ZNF526: variants seen among roughly 807,000 people sequenced by gnomAD.
ZNF526 encodes zinc finger protein 526.
ZNF526 carries 16 observed loss-of-function variants against 32.4 expected under a neutral mutation model. The observed-to-expected ratio is 0.49, with a 90% CI of 0.33 to 0.75. The LOEUF is 0.75. Ranked by LOEUF, ZNF526 falls within the 30% of genes least tolerant of loss-of-function variation. The pLI, the probability that ZNF526 is intolerant of heterozygous loss-of-function variation, is 0.02. For synonymous variants in ZNF526, 355 were observed against 363.4 expected (o/e 0.98, Z 0.26); for missense variants, 838 against 920.7 (o/e 0.91, Z 1.16).
intron 1 of ZNF526, 106 bp from the exon 2 acceptor site, chr19:42,224,109 A>C: frequency 2.6e-6 from 1 of 391,194 alleles, no homozygotes; most frequent in Non-Finnish European, 4.8e-6. Context: ...CAGTGAGCCA[A>C]GATTGTGCCA....
In ZNF526 at chr19:42,224,189, G is replaced by T. The variant is rs372761339; in HGVS notation, c.-108-26G>T. On this transcript the variant is annotated intron_variant, in intron 1 of 2. Coordinates refer to ENST00000301215, the MANE Select transcript of ZNF526 (RefSeq NM_133444.3). The stretch of plus-strand genomic sequence containing the variant: ...AAAAAAAAAAAAAAAAAAGAGGCTG[G>T]GCTGAGTGGTGTTTCTCTCCTGCAG... 193 of 584,530 alleles carry T rather than the reference G, an allele frequency of 3.3e-4. No homozygotes were observed. In the African/African-American group the frequency reaches 3.3e-3, roughly 10 times the overall value. The allele number at this position is 584,530 out of a possible 1,614,324, so 36.2% of individuals were successfully genotyped here.
chr19:42,224,594 G>A lies in ZNF526; in HGVS notation c.191G>A (p.Ser64Asn), dbSNP rs772553789. Residue 64 changes from serine to asparagine, a missense_variant, in exon 3 of 3, where the codon AGC (serine) becomes AAC (asparagine). By Grantham distance (46) the Ser-to-Asn change is conservative (BLOSUM62 1). Transcript: ENST00000301215. ...CAGTTCATGTGCTCTGAGTGTGGCA[G>A]CCTCTATAACACACTGGAGGAAGTC... Reference protein sequence around the residue: ...HHQFMCSECGSLYNTLEEVLS... With the variant: ...HHQFMCSECGNLYNTLEEVLS... 3 of 1,614,116 alleles carry A rather than the reference G, an allele frequency of 1.9e-6. No individual in the cohort carries two copies. The East Asian group carries it at 6.7e-5, about 36-fold the overall frequency.
At position 42,226,392 on chromosome 19, in the gene ZNF526, G is replaced by A. The variant is rs1237943099; in HGVS notation, c.1989G>A (p.Leu663=). 6.2e-7 allele frequency: 1 copy of A among 1,614,242 alleles called. No homozygotes were observed. ...ALGASEAGGL[L]QLDTAFV is the part of the protein sequence containing the mutation. ...GGGCCAGTGAAGCAGGCGGGCTCTT[G>A]CAGTTGGACACGGCCTTCGTGTGAC... The change falls in exon 3 of 3, where the codon TTG becomes TTA. Residue 663 remains leucine, a synonymous_variant. Coordinates refer to ENST00000301215, the MANE Select transcript of ZNF526 (RefSeq NM_133444.3).
At chr19:42,220,457 A>T (rs558291650) in intron 1 of ZNF526, 70 bp downstream of exon 1, 1 of 152,596 alleles carries the variant, frequency 6.6e-6, no homozygotes, top group East Asian at 1.9e-4. Context: ...AAGGAAAACT[A>T]AGGGGTCTGC....
intron 1 of ZNF526, 41 bp from the exon 2 acceptor site, chr19:42,224,163 GAAAAAAAAAAA>G (rs543492236): frequency 2.9e-6 from 1 of 348,532 alleles, no homozygotes. Context: ...TGTCTCAGAA[GAAAAAAAAAAA>G]AAAAAAAGAG....
chr19:42,223,027 A>G (rs1381811655), intron 1 of ZNF526, among the ~76,000 whole-genome samples: 1 of 152,230 alleles, frequency 6.6e-6, no homozygotes. Context: ...CAGAGGAAGT[A>G]AGTGGTAGAG....
rs1568463022 is a variant in ZNF526, at chr19:42,226,130, G to A, written c.1727G>A (p.Gly576Glu). The A allele has an allele frequency of 6.2e-7, 1 of 1,606,418 alleles. No homozygotes were observed. The highest frequency in any genetic ancestry group is 8.5e-7 in the Non-Finnish European group (1 of 1,180,008). Residue 576 changes from glycine (G) to glutamate (E), a missense_variant, in exon 3 of 3, where the codon GGG becomes GAG. Transcript: ENST00000301215. ...TACAACAAGAGTCCCTACTACTGCG[G>A]GACTTGTGGCCGCTGGTTCCGCGCC... Reference protein sequence around the residue: ...GLYNKSPYYCGTCGRWFRAMA... With the variant: ...GLYNKSPYYCETCGRWFRAMA...
Position 42,225,097 on chromosome 19 carries a change from G to T in ZNF526, c.694G>T (p.Glu232Ter). ...AGAGAAAGAGGAGCGCAATGGGTTG[G>T]AGGAGGAGGAAGAGGACGATGAGGA... ...SLEKEERNGL[E>*]EEEEDDEEDE... The change falls in exon 3 of 3, where the codon GAG becomes TAG. Residue 232 changes from glutamate (E) to a stop codon, truncating the protein, a stop_gained. Coordinates refer to ENST00000301215, the MANE Select transcript of ZNF526 (RefSeq NM_133444.3). LOFTEE classifies it high-confidence loss of function. The T allele has an allele frequency of 1.2e-6, 2 of 1,614,174 alleles. No homozygotes were observed. The highest frequency in any genetic ancestry group is 1.7e-6 in the Non-Finnish European group (2 of 1,180,018).
rs373796022 is a variant in ZNF526, at chr19:42,225,292, A to G, written c.889A>G (p.Ser297Gly). 1 of 1,612,378 alleles carries G rather than the reference A, an allele frequency of 6.2e-7. No individual in the cohort carries two copies. The highest frequency in any genetic ancestry group is 1.3e-5 in the African/African-American group (1 of 74,912). ...CCGGCAACACCGGCGGACGGCTCACAGCCCGGCATCTGCCACCCACCCCTT... is the reference window on the plus strand; with the variant it reads ...CCGGCAACACCGGCGGACGGCTCACGGCCCGGCATCTGCCACCCACCCCTT... ...ARRQHRRTAH[S>G]PASATHPFHC... Residue 297 changes from serine (S) to glycine (G), a missense_variant, in exon 3 of 3, where the codon AGC becomes GGC. Physicochemically the swap from Ser to Gly is moderately conservative, Grantham distance 56 (BLOSUM62 0). Coordinates refer to ENST00000301215, the MANE Select transcript of ZNF526 (RefSeq NM_133444.3).
intron 1 of ZNF526, among the ~76,000 whole-genome samples, chr19:42,221,789 C>G (rs984525320): frequency 2.6e-5 from 4 of 151,628 alleles, no homozygotes; most frequent in African/African-American, 9.7e-5. Context: ...TGCACTGCAG[C>G]CTGGGCAACA....
chr19:42,225,253 T>G lies in ZNF526; in HGVS notation c.850T>G (p.Ser284Ala), dbSNP rs545173786. ...CGGGGACTGTCCCCAGCACCAGCCC[T>G]CAGCAGGGGCTCGCCGGCAACACCG... ...GCGDCPQHQP[S>A]AGARRQHRRT... The change falls in exon 3 of 3, where the codon TCA becomes GCA. Residue 284 changes from serine (S) to alanine (A), a missense_variant. Physicochemically the swap from Ser to Ala is moderately conservative, Grantham distance 99. Coordinates refer to ENST00000301215, the MANE Select transcript of ZNF526 (RefSeq NM_133444.3). 1 of 1,613,878 alleles carries G rather than the reference T, an allele frequency of 6.2e-7. No homozygotes were observed. The highest frequency in any genetic ancestry group is 1.1e-5 in the South Asian group (1 of 91,076).
Position 42,225,366 on chromosome 19 carries a change from G to T in ZNF526, c.963G>T (p.Gln321His). ...QRSFSSANRL[Q>H]AHGRAHVGGT... is the part of the protein sequence containing the mutation. ...GTTTCAGCTCCGCCAACCGGCTGCA[G>T]GCTCATGGGCGGGCCCATGTTGGTG... Residue 321 changes from glutamine to histidine, a missense_variant, in exon 3 of 3, where the codon CAG (glutamine) becomes CAT (histidine). Physicochemically the swap from Gln to His is conservative, Grantham distance 24 (BLOSUM62 0). Transcript: ENST00000301215. 1 of 1,613,994 alleles carries T rather than the reference G, an allele frequency of 6.2e-7. No individual in the cohort carries two copies. The highest frequency in any genetic ancestry group is 8.5e-7 in the Non-Finnish European group (1 of 1,180,016).
At chr19:42,222,157 G>A (rs1199159948) in intron 1 of ZNF526, among the ~76,000 whole-genome samples, 1 of 151,038 alleles carries the variant, frequency 6.6e-6, no homozygotes, top group Non-Finnish European at 1.5e-5. Context: ...CGCAATCTCA[G>A]CTCACTGCAA....
Position 42,225,400 on chromosome 19 carries a change from G to A in ZNF526, c.997G>A (p.Glu333Lys). Residue 333 changes from glutamate to lysine, a missense_variant, in exon 3 of 3, where the codon GAG (glutamate) becomes AAG (lysine). Physicochemically the swap from Glu to Lys is moderately conservative, Grantham distance 56. Coordinates refer to ENST00000301215, the MANE Select transcript of ZNF526 (RefSeq NM_133444.3). ...GCGGGCCCATGTTGGTGGCACACAT[G>A]AGTGTACAACCTGCTCCAAGGTCTT... Reference protein sequence around the residue: ...HGRAHVGGTHECTTCSKVFKK... With the variant: ...HGRAHVGGTHKCTTCSKVFKK... 6.2e-7 allele frequency: 1 copy of A among 1,614,024 alleles called. No homozygotes were observed. Among genetic ancestry groups the A allele is most frequent in the South Asian group, 1.1e-5 (1 of 91,090 alleles).
In ZNF526 at chr19:42,227,962, G is replaced by A. The variant is rs2036195730; in HGVS notation, c.*1546G>A. Reference sequence around the variant, plus strand: ...GCCTGTAATCCGAGTGCTTTGGGAGGCTGAGGCAGGAGGATCACTCGAGCT... The same window carrying A: ...GCCTGTAATCCGAGTGCTTTGGGAGACTGAGGCAGGAGGATCACTCGAGCT... On this transcript the variant is annotated 3_prime_UTR_variant, in exon 3 of 3. Transcript: ENST00000301215. 6.6e-6 allele frequency: 1 copy of A among 151,858 alleles called. No individual in the cohort carries two copies. Among genetic ancestry groups the A allele is most frequent in the South Asian group, 2.1e-4 (1 of 4,796 alleles). 9.4% of individuals were successfully genotyped at this position (151,858 alleles called of 1,614,324 possible). A position where few individuals can be genotyped will look rare whatever the true frequency, so the allele number is the denominator to read the frequency against.
intron 1 of ZNF526, among the ~76,000 whole-genome samples, chr19:42,223,815 C>CAAA (rs962041845): frequency 1.2e-4 from 4 of 32,830 alleles, no homozygotes; most frequent in Non-Finnish European, 2.3e-4. Flanking sequence ...GAGTCCATCT[C>CAAA]AAAAAAAAAA....
intron 1 of ZNF526, among the ~76,000 whole-genome samples, chr19:42,223,814 T>C (rs1378924034): frequency 5.1e-5 from 3 of 58,518 alleles, no homozygotes; most frequent in Admixed American, 2.8e-4. Context: ...AGAGTCCATC[T>C]CAAAAAAAAA....
At position 42,224,929 on chromosome 19, in the gene ZNF526, C is replaced by T. The variant is rs1238523713; in HGVS notation, c.526C>T (p.Pro176Ser). 6.2e-7 allele frequency: 1 copy of T among 1,614,176 alleles called. No individual in the cohort carries two copies. ...ATVAEPPVPP[P>S]LPPPTPLPPP... ...GGTAGCTGAGCCACCAGTGCCACCT[C>T]CTTTGCCTCCCCCAACACCACTGCC... is the stretch of plus-strand genomic sequence containing the variant. The change falls in exon 3 of 3, where the codon CCT becomes TCT. Residue 176 changes from proline to serine, a missense_variant. Transcript: ENST00000301215.
In ZNF526 at chr19:42,227,752, CCCTCTCA is replaced by C. The variant is rs2036194028; in HGVS notation, c.*1337_*1343del. 1 of 151,600 alleles carries C rather than the reference CCCTCTCA, an allele frequency of 6.6e-6. No homozygotes were observed. Among genetic ancestry groups the C allele is most frequent in the Non-Finnish European group, 1.5e-5 (1 of 67,960 alleles). The allele number at this position is 151,600 out of a possible 1,614,324, so 9.4% of individuals were successfully genotyped here. The stretch of plus-strand genomic sequence containing the variant: ...CCAGCCTGGGCGACAGAGTGAGACT[CCCTCTCA>C]AAAGAAAATAAAAATAAAAATAAAC... On this transcript the variant is annotated 3_prime_UTR_variant, in exon 3 of 3. Transcript: ENST00000301215.
Sources: gnomAD v4.1 joint callset for allele counts (sites outside exome capture counted in the v4.1 genomes callset) on GRCh38, gnomAD v4.1.1 for gene constraint, MANE v1.5 for transcripts, NCBI Gene and HGNC (gene_info 2026-07-23, HGNC 2026-07-21) for gene names.